The following TNC variants were observed in gnomAD, a reference collection of about 807,000 sequenced individuals.
The protein encoded by TNC is tenascin C.
Under a neutral mutation model 202.4 loss-of-function variants are expected in TNC, and 109 were observed. The observed-to-expected ratio is 0.54, with a 90% CI of 0.46 to 0.63. The LOEUF (loss-of-function observed/expected upper bound fraction) is 0.63, where lower values mean the gene tolerates loss of function less well. TNC is among the 30% of genes least tolerant of loss of function. The pLI, the probability that TNC is intolerant of heterozygous loss-of-function variation, is 0.00. For synonymous variants in TNC, 1,007 were observed against 1,089.7 expected (o/e 0.92, Z 1.50); for missense variants, 2,756 against 2,833.3 (o/e 0.97, Z 0.62).
At chr9:115,046,060 T>C (rs1051954040) in intron 17 of TNC, among the ~76,000 whole-genome samples, 2 of 147,300 alleles carry the variant, frequency 1.4e-5, no homozygotes, top group African/African-American at 4.9e-5. Context: ...GAAGGAAGAA[T>C]CTTTGGAACG....
chr9:115,071,100 C>G (rs1011843709), intron 10 of TNC, among the ~76,000 whole-genome samples: 4 of 152,190 alleles, frequency 2.6e-5, no homozygotes, highest in African/African-American at 9.7e-5. Flanking sequence ...ATTAAATACC[C>G]GTCTTCTTTG....
Position 115,081,601 on chromosome 9 carries a change from A to G in TNC, c.2404+171T>C, listed in dbSNP as rs559627393. Among the ~76,000 whole-genome samples, 4 of 152,272 alleles carry G rather than the reference A, an allele frequency of 2.6e-5. No individual in the cohort carries two copies. The East Asian group carries it at 7.7e-4, about 29-fold the overall frequency. On this transcript the variant is annotated intron_variant, in intron 6 of 27. Coordinates refer to ENST00000350763, the MANE Select transcript of TNC (RefSeq NM_002160.4). ...AGCTGCTCAGCTGAGCCCAAACCCA[A>G]ATCACCAACATGCAAAGAATTGTTA...
At chr9:115,110,160 G>T (rs1286427235) in intron 1 of TNC, among the ~76,000 whole-genome samples, 2 of 152,030 alleles carry the variant, frequency 1.3e-5, no homozygotes, top group Non-Finnish European at 2.9e-5. Context: ...ATATGAATAG[G>T]TGAAAAACAT....
At chr9:115,048,207 T>C in intron 16 of TNC, 53 bp downstream of exon 16, 1 of 1,587,042 alleles carries the variant, frequency 6.3e-7, no homozygotes, top group Non-Finnish European at 8.6e-7. Flanking sequence ...GTAGACAGAT[T>C]ACACAGAAGG....
At chr9:115,079,186 G>T (rs1016747386) in intron 6 of TNC, among the ~76,000 whole-genome samples, 7 of 151,360 alleles carry the variant, frequency 4.6e-5, no homozygotes, top group Non-Finnish European at 4.4e-5. Flanking sequence ...CATATTCTGG[G>T]TATTCAGTGA....
chr9:115,051,270 A>T (rs1030076635), intron 15 of TNC, among the ~76,000 whole-genome samples: 2 of 152,140 alleles, frequency 1.3e-5, no homozygotes, highest in Non-Finnish European at 2.9e-5. Flanking sequence ...CTTGAAATTT[A>T]TCTGCCATCT....
At chr9:115,060,674 T>C (rs1832476275) in intron 13 of TNC, among the ~76,000 whole-genome samples, 1 of 152,228 alleles carries the variant, frequency 6.6e-6, no homozygotes, top group Non-Finnish European at 1.5e-5. Flanking sequence ...AGAAAGATTA[T>C]CTCATCACTA....
rs114695824 is a variant in TNC at position 115,111,104 on chromosome 9, T to C, written c.-137+6878A>G. Among the ~76,000 whole-genome samples, 613 of 152,200 alleles carry C rather than the reference T, an allele frequency of 4.0e-3. 9 individuals carry two copies. The highest frequency in any genetic ancestry group is 0.014 in the African/African-American group (579 of 41,538). On this transcript the variant is annotated intron_variant, in intron 1 of 27. Coordinates refer to ENST00000350763, the MANE Select transcript of TNC (RefSeq NM_002160.4). ...CCATGGTCTCGATCAATTTTTTTAT[T>C]ACTCATCAGTGAGGGTACTGAAGGG...
At position 115,073,777 on chromosome 9, in the gene TNC, G is replaced by T; in HGVS notation, c.3040C>A (p.Arg1014Ser). The T allele has an allele frequency of 6.2e-7, 1 of 1,614,122 alleles. No homozygotes were observed. The highest frequency in any genetic ancestry group is 8.5e-7 in the Non-Finnish European group (1 of 1,180,016). Reference sequence around the variant, plus strand: ...GGGAGACTGTAATTGAGGCGGTAGCGGTCAAATTTGGCCAACGGTGTCTTC... The same window carrying T: ...GGGAGACTGTAATTGAGGCGGTAGCTGTCAAATTTGGCCAACGGTGTCTTC... ...LWKTPLAKFD[R>S]YRLNYSLPTG... The change falls in exon 10 of 28, where the codon CGC becomes AGC. Residue 1014 changes from arginine to serine, a missense_variant. Around this residue, in one of 2 missense-constraint regions of TNC, gnomAD observed 2,559 missense variants for 2,546.0 expected, o/e 1.01. Transcript: ENST00000350763.
intron 15 of TNC, among the ~76,000 whole-genome samples, chr9:115,049,293 G>A (rs1331554604): frequency 6.6e-6 from 1 of 152,124 alleles, no homozygotes; most frequent in African/African-American, 2.4e-5. Flanking sequence ...TTCACACATT[G>A]GGATATCCAA....
chr9:115,084,774 G>C (rs1834582104), intron 3 of TNC, among the ~76,000 whole-genome samples: 1 of 152,154 alleles, frequency 6.6e-6, no homozygotes, highest in African/African-American at 2.4e-5. Flanking sequence ...TGTTGGCATG[G>C]GAAAGTGCAG....
At chr9:115,054,388 C>T (rs970114147) in intron 15 of TNC, among the ~76,000 whole-genome samples, 4 of 152,212 alleles carry the variant, frequency 2.6e-5, no homozygotes, top group Admixed American at 2.6e-4. Context: ...GCAGCTATAG[C>T]TTTGACAAAT....
chr9:115,047,454 C>T (rs1442547866), intron 16 of TNC, among the ~76,000 whole-genome samples: 1 of 152,088 alleles, frequency 6.6e-6, no homozygotes, highest in Non-Finnish European at 1.5e-5. Context: ...CTGTTTGATC[C>T]TCTTCCTTAA....
chr9:115,057,381 GAGTT>G lies in TNC; in HGVS notation c.4347_4350del (p.Thr1450ProfsTer85). The G allele has an allele frequency of 1.9e-6, 3 of 1,613,564 alleles. No individual in the cohort carries two copies. In the South Asian group the frequency reaches 3.3e-5, roughly 18 times the overall value. On this transcript the variant is annotated frameshift_variant, in exon 15 of 28. Coordinates refer to ENST00000350763, the MANE Select transcript of TNC (RefSeq NM_002160.4). LOFTEE classifies it high-confidence loss of function. ...ATCCAGGAGAGATTGAAGCTCTCGG[GAGTT>G]ATGTCAGAAACATTTAAGTTTCCAA... is the stretch of plus-strand genomic sequence containing the variant.
intron 23 of TNC, 48 bp from the exon 24 acceptor site, chr9:115,030,453 G>C: frequency 6.4e-7 from 1 of 1,562,256 alleles, no homozygotes; most frequent in Non-Finnish European, 8.7e-7. Flanking sequence ...GGAGGACTGA[G>C]CTGGAGCTTA....
At chr9:115,037,612 C>CCG (rs1333904814) in intron 20 of TNC, among the ~76,000 whole-genome samples, 1 of 152,168 alleles carries the variant, frequency 6.6e-6, no homozygotes, top group Non-Finnish European at 1.5e-5. Flanking sequence ...ACTGCAGCCT[C>CCG]CGCCTCCCAG....
chr9:115,031,501 G>A (rs1169809966), intron 23 of TNC, 52 bp downstream of exon 23: 2 of 1,449,554 alleles, frequency 1.4e-6, no homozygotes, highest in African/African-American at 2.9e-5. Context: ...GTCAAGGGTT[G>A]ATTCAGTCAA....
At chr9:115,033,664 T>G (rs1399108169) in intron 22 of TNC, among the ~76,000 whole-genome samples, 2 of 152,236 alleles carry the variant, frequency 1.3e-5, no homozygotes, top group Non-Finnish European at 2.9e-5. Context: ...ATTAGCAATG[T>G]GTCCAGTTCT....
intron 17 of TNC, among the ~76,000 whole-genome samples, chr9:115,042,906 A>T (rs1458307300): frequency 6.6e-6 from 1 of 152,164 alleles, no homozygotes; most frequent in Non-Finnish European, 1.5e-5. Context: ...TCCTGGAAAT[A>T]ACGTTCACAC....
Sources: allele counts gnomAD v4.1 joint callset (sites outside exome capture counted in the v4.1 genomes callset), GRCh38; gene constraint gnomAD v4.1.1; regional missense constraint gnomAD v4.1.1; transcripts MANE v1.5; gene names NCBI Gene and HGNC (gene_info 2026-07-23, HGNC 2026-07-21).